The following RANBP2 variants were observed in gnomAD, a reference collection of about 807,000 sequenced individuals.
RANBP2 encodes the protein E3 SUMO-protein ligase RanBP2.
In RANBP2, 57 loss-of-function variants were observed where a neutral mutation model predicts 303.6. The ratio of observed to expected loss-of-function variants is 0.19; its 90% CI spans 0.15 to 0.23. The LOEUF (loss-of-function observed/expected upper bound fraction) is 0.23. Among genes scored for constraint, RANBP2 ranks in the 10% least tolerant of loss-of-function variants. RANBP2 has a pLI of 1.00. For missense variants in RANBP2, 3,138 were observed against 3,780.8 expected (o/e 0.83, Z 4.46); for synonymous variants, 1,167 against 1,301.5 (o/e 0.90, Z 2.23).
At chr2:109,761,015 T>C in the RANBP2 span, among the ~76,000 whole-genome samples, 1 of 136,404 alleles carries the variant, frequency 7.3e-6, no homozygotes, top group African/African-American at 2.8e-5. Flanking sequence ...GCCCAGGGAC[T>C]GGTGATCTAG....
rs769473907 is a variant in RANBP2 at position 108,751,551 on chromosome 2, T to C, written c.1479T>C (p.Tyr493=). The C allele has an allele frequency of 2.5e-6, 4 of 1,610,346 alleles. No individual in the cohort carries two copies. Among genetic ancestry groups the C allele is most frequent in the South Asian group, 2.2e-5 (2 of 90,760 alleles). ...DLEVFLLGVV[Y]TSHLQLKEKC... Reference sequence around the variant, plus strand: ...AGGTATTTCTCCTTGGAGTAGTATATACCAGCCACTTACAATTAAAGGAGA... The same window carrying C: ...AGGTATTTCTCCTTGGAGTAGTATACACCAGCCACTTACAATTAAAGGAGA... Residue 493 remains tyrosine, a synonymous_variant, in exon 11 of 29, where the codon TAT becomes TAC. Coordinates refer to ENST00000283195, the MANE Select transcript of RANBP2 (RefSeq NM_006267.5).
At chr2:109,626,125 G>A in the RANBP2 span, among the ~76,000 whole-genome samples, 2,608 of 152,228 alleles carry the variant, frequency 0.017, 87 homozygotes, top group African/African-American at 0.058. Flanking sequence ...CTTCCTGTTC[G>A]TCCCTATTTT....
At chr2:109,006,485 C>T in the RANBP2 span, among the ~76,000 whole-genome samples, 2 of 152,232 alleles carry the variant, frequency 1.3e-5, no homozygotes, top group Non-Finnish European at 2.9e-5. Context: ...TGAGCCACCG[C>T]GCCGGCCCTA....
the RANBP2 span, among the ~76,000 whole-genome samples, chr2:109,280,765 G>C: frequency 6.6e-6 from 1 of 152,222 alleles, no homozygotes; most frequent in Non-Finnish European, 1.5e-5. Context: ...CATGAGCCTC[G>C]AGGGCGCTGC....
the RANBP2 span, among the ~76,000 whole-genome samples, chr2:109,072,657 G>A: frequency 6.6e-6 from 1 of 152,330 alleles, no homozygotes; most frequent in East Asian, 1.9e-4. Context: ...AGAGTATGCA[G>A]TCTGAATGAG....
chr2:108,852,314 T>C, the RANBP2 span, among the ~76,000 whole-genome samples: 2 of 152,194 alleles, frequency 1.3e-5, no homozygotes, highest in East Asian at 3.8e-4. Flanking sequence ...GGAGTGTAAA[T>C]TAGTTCAGCC....
At chr2:109,192,459 A>G in the RANBP2 span, among the ~76,000 whole-genome samples, 3 of 152,342 alleles carry the variant, frequency 2.0e-5, no homozygotes, top group East Asian at 5.8e-4. Context: ...TTTTATTATT[A>G]GAAATTTAAT....
At chr2:109,647,478 T>A in the RANBP2 span, among the ~76,000 whole-genome samples, 1 of 146,162 alleles carries the variant, frequency 6.8e-6, no homozygotes, top group Non-Finnish European at 1.5e-5. Flanking sequence ...TCACTTTTTT[T>A]ATTTTTTTGA....
At chr2:109,571,926 G>A in the RANBP2 span, among the ~76,000 whole-genome samples, 1 of 152,298 alleles carries the variant, frequency 6.6e-6, no homozygotes, top group African/African-American at 2.4e-5. Context: ...TGACTCAAAG[G>A]TGGTTGGGTT....
the RANBP2 span, among the ~76,000 whole-genome samples, chr2:108,978,527 A>T: frequency 1.3e-5 from 2 of 152,244 alleles, no homozygotes; most frequent in Admixed American, 1.3e-4. Context: ...CTTAGGGAAC[A>T]TGCAGATCCT....
At chr2:109,621,149 T>TTTG in the RANBP2 span, among the ~76,000 whole-genome samples, 1 of 151,988 alleles carries the variant, frequency 6.6e-6, no homozygotes. Flanking sequence ...AAGTTGTTGG[T>TTTG]TTGTTGTTGT....
At chr2:109,230,015 AG>A in the RANBP2 span, among the ~76,000 whole-genome samples, 5 of 151,760 alleles carry the variant, frequency 3.3e-5, no homozygotes, top group African/African-American at 9.7e-5. Flanking sequence ...TAGTAGAGAC[AG>A]GGTTTCACCA....
intron 1 of RANBP2, among the ~76,000 whole-genome samples, chr2:108,728,789 C>G (rs886180155): frequency 2.0e-5 from 3 of 152,132 alleles, no homozygotes; most frequent in African/African-American, 7.2e-5. Context: ...GGGTTACAGG[C>G]ACCCACCATC....
the RANBP2 span, among the ~76,000 whole-genome samples, chr2:109,199,270 C>T: frequency 5.4e-5 from 1 of 18,360 alleles, no homozygotes; most frequent in Non-Finnish European, 1.5e-4. Context: ...TGCAGTGAGC[C>T]GAGATCATGC....
At chr2:109,493,420 GCAAACA>G in the RANBP2 span, among the ~76,000 whole-genome samples, 1 of 147,920 alleles carries the variant, frequency 6.8e-6, no homozygotes, top group Non-Finnish European at 1.5e-5. Context: ...CATACATCAT[GCAAACA>G]CAGACTACAC....
At chr2:109,011,608 G>A in the RANBP2 span, among the ~76,000 whole-genome samples, 15 of 152,224 alleles carry the variant, frequency 9.9e-5, no homozygotes, top group South Asian at 1.7e-3. Flanking sequence ...CATTTGCTGC[G>A]TCCTCTCTCT....
the RANBP2 span, among the ~76,000 whole-genome samples, chr2:108,941,127 A>G: frequency 6.6e-6 from 1 of 152,224 alleles, no homozygotes; most frequent in Non-Finnish European, 1.5e-5. Flanking sequence ...TTCACTGAAT[A>G]TAATACCTGT....
chr2:108,754,271 A>G (rs1676129990), intron 15 of RANBP2, among the ~76,000 whole-genome samples: 1 of 151,470 alleles, frequency 6.6e-6, no homozygotes. Flanking sequence ...AACAAATATT[A>G]TAACCTCAGG....
chr2:109,717,516 A>G, the RANBP2 span, among the ~76,000 whole-genome samples: 4 of 151,924 alleles, frequency 2.6e-5, no homozygotes, highest in African/African-American at 9.7e-5. Flanking sequence ...CGGGAGGCAG[A>G]GGTGGCAGTG....
Sources: allele counts gnomAD v4.1 joint callset (sites outside exome capture counted in the v4.1 genomes callset), GRCh38; gene constraint gnomAD v4.1.1; transcripts MANE v1.5; gene names NCBI Gene and HGNC (gene_info 2026-07-23, HGNC 2026-07-21).